The following PHIP variants were observed in gnomAD, a reference collection of about 807,000 sequenced individuals.
The protein encoded by PHIP is PH-interacting protein.
In PHIP, 54 loss-of-function variants were observed where a neutral mutation model predicts 236.8. That is an observed-to-expected ratio of 0.23 (90% CI 0.18 to 0.29). The LOEUF (loss-of-function observed/expected upper bound fraction) is 0.29. PHIP is among the 10% of genes least tolerant of loss of function. PHIP has a pLI of 1.00. For synonymous variants in PHIP, 756 were observed against 718.9 expected, an observed-to-expected ratio of 1.05 and a Z score of -0.83; for missense variants, 1,370 against 2,190.8, an observed-to-expected ratio of 0.63 and a Z score of 7.48.
intron 10 of PHIP, among the ~76,000 whole-genome samples, chr6:79,018,860 A>C (rs1770969489): frequency 6.6e-6 from 1 of 152,000 alleles, no homozygotes; most frequent in Non-Finnish European, 1.5e-5. Flanking sequence ...AGAACATTAT[A>C]GTCTTCTTAA....
intron 35 of PHIP, among the ~76,000 whole-genome samples, chr6:78,950,111 A>C (rs1774061342): frequency 6.6e-6 from 1 of 152,172 alleles, no homozygotes; most frequent in Admixed American, 6.6e-5. Flanking sequence ...AAATTTTGTC[A>C]AATGTTCTTT....
intron 35 of PHIP, among the ~76,000 whole-genome samples, chr6:78,948,630 G>A (rs985029060): frequency 3.9e-5 from 6 of 152,016 alleles, no homozygotes; most frequent in East Asian, 3.9e-4. Flanking sequence ...AAGTAGCGGG[G>A]ACTACAGGCA....
chr6:78,973,624 A>G (rs184631504), intron 24 of PHIP, among the ~76,000 whole-genome samples: 2,132 of 133,428 alleles, frequency 0.016, 64 homozygotes, highest in African/African-American at 0.059. Context: ...TGCTGTATTC[A>G]GGAAACCCAT....
At chr6:79,020,539 T>C (rs1771064519) in intron 9 of PHIP, among the ~76,000 whole-genome samples, 1 of 152,252 alleles carries the variant, frequency 6.6e-6, no homozygotes, top group Admixed American at 6.5e-5. Flanking sequence ...ATTATAGCTC[T>C]AGATTTTTTT....
rs144990174 is a variant in PHIP, at chr6:79,007,613, G to C, written c.1525-3755C>G. Among the ~76,000 whole-genome samples the C allele has an allele frequency of 8.9e-4, 132 of 147,578 alleles. 1 individual carries two copies. The East Asian group carries it at 0.026, about 29-fold the overall frequency. On this transcript the variant is annotated intron_variant, in intron 15 of 39. Transcript: ENST00000275034. ...TCTTAGGCAGAACCATCCTCTTCTA[G>C]AGTTATTTCAATTCTATTAGCAGGG...
rs1766679825 is a variant in PHIP at position 78,960,117 on chromosome 6, C to T, written c.3657-1517G>A. 2.0e-5 allele frequency among the ~76,000 whole-genome samples: 3 copies of T among 152,076 alleles called. No homozygotes were observed. The South Asian group carries it at 6.2e-4, about 32-fold the overall frequency. Reference sequence around the variant, plus strand: ...ACAAGCCCAGAAAAAGATGAAAATTCAAAATTTGAAGTATGGTTTCTACTG... The same window carrying T: ...ACAAGCCCAGAAAAAGATGAAAATTTAAAATTTGAAGTATGGTTTCTACTG... On this transcript the variant is annotated intron_variant, in intron 31 of 39. Coordinates refer to ENST00000275034, the MANE Select transcript of PHIP (RefSeq NM_017934.7).
intron 7 of PHIP, among the ~76,000 whole-genome samples, chr6:79,026,640 G>C (rs946394705): frequency 6.6e-5 from 10 of 151,840 alleles, no homozygotes; most frequent in African/African-American, 2.4e-4. Flanking sequence ...ATTATCTAAA[G>C]CCAGTTATCA....
intron 9 of PHIP, among the ~76,000 whole-genome samples, chr6:79,022,880 A>G (rs1305136554): frequency 6.6e-6 from 1 of 152,228 alleles, no homozygotes; most frequent in Non-Finnish European, 1.5e-5. Flanking sequence ...GGATTTCTAA[A>G]GTCATTTCCC....
intron 38 of PHIP, 51 bp from the exon 39 acceptor site, chr6:78,945,548 T>A (rs1253453104): frequency 5.2e-6 from 6 of 1,152,372 alleles, no homozygotes; most frequent in Admixed American, 3.9e-5. Context: ...AACCTAAAGA[T>A]AAGAAAAAAG....
At chr6:78,996,991 A>G (rs1333459067) in intron 19 of PHIP, among the ~76,000 whole-genome samples, 1 of 151,014 alleles carries the variant, frequency 6.6e-6, no homozygotes, top group Non-Finnish European at 1.5e-5. Context: ...TAATATATAT[A>G]AAATCTTTTT....
chr6:78,971,916 G>C (rs1003754393), intron 24 of PHIP, among the ~76,000 whole-genome samples: 4 of 152,192 alleles, frequency 2.6e-5, no homozygotes, highest in African/African-American at 9.6e-5. Context: ...ACAGCAGTCT[G>C]AGGTCAAACT....
chr6:78,982,069 A>G (rs1334535631), intron 23 of PHIP, among the ~76,000 whole-genome samples: 3 of 152,062 alleles, frequency 2.0e-5, no homozygotes, highest in Non-Finnish European at 4.4e-5. Flanking sequence ...ATTTAATTCT[A>G]CAAACGACAA....
intron 24 of PHIP, among the ~76,000 whole-genome samples, chr6:78,973,904 T>TA (rs1562140899): frequency 6.6e-6 from 1 of 151,708 alleles, no homozygotes; most frequent in African/African-American, 2.4e-5. Flanking sequence ...CAAAGAGACT[T>TA]AGACTCCCAC....
intron 25 of PHIP, among the ~76,000 whole-genome samples, chr6:78,970,394 A>T (rs1017945962): frequency 6.6e-6 from 1 of 152,138 alleles, no homozygotes; most frequent in Admixed American, 6.5e-5. Flanking sequence ...AAAAAAAATA[A>T]GGAGAACTTT....
At chr6:79,064,861 ACTTT>A (rs1264755246) in intron 4 of PHIP, among the ~76,000 whole-genome samples, 2 of 152,190 alleles carry the variant, frequency 1.3e-5, no homozygotes, top group Non-Finnish European at 2.9e-5. Context: ...TGCATAGCAA[ACTTT>A]CTTAAAACAG....
chr6:78,956,059 C>T (rs1181189638), intron 32 of PHIP: 3 of 153,988 alleles, frequency 1.9e-5, no homozygotes, highest in African/African-American at 7.2e-5. Flanking sequence ...TGACACTGTA[C>T]CTTTTGCTTC....
At chr6:78,978,818 C>A in intron 23 of PHIP, 107 bp from the exon 24 acceptor site, 1 of 868,466 alleles carries the variant, frequency 1.2e-6, no homozygotes, top group East Asian at 2.7e-5. Context: ...AGGGGAAGGG[C>A]ACCATTGTAC....
At chr6:78,979,567 T>C (rs1009815329) in intron 23 of PHIP, among the ~76,000 whole-genome samples, 1 of 152,060 alleles carries the variant, frequency 6.6e-6, no homozygotes, top group African/African-American at 2.4e-5. Context: ...ACTATGCCTC[T>C]GAGAAAGTTC....
intron 35 of PHIP, among the ~76,000 whole-genome samples, chr6:78,951,192 A>T (rs940366757): frequency 1.3e-5 from 2 of 152,166 alleles, no homozygotes; most frequent in Non-Finnish European, 2.9e-5. Flanking sequence ...AAAATATAAA[A>T]ATGATTTTTT....
Sources: allele counts gnomAD v4.1 joint callset (sites outside exome capture counted in the v4.1 genomes callset), GRCh38; gene constraint gnomAD v4.1.1; transcripts MANE v1.5; gene names NCBI Gene and HGNC (gene_info 2026-07-23, HGNC 2026-07-21).